Variants in ST6GALNAC3 observed in about 807,000 individuals in gnomAD.
ST6GALNAC3 encodes the protein ST6 N-acetylgalactosaminide alpha-2,6-sialyltransferase 3, also known as alpha-N-acetylgalactosaminide alpha-2,6-sialyltransferase 3.
Under a neutral mutation model 32.7 loss-of-function variants are expected in ST6GALNAC3, and 25 were observed. That is an observed-to-expected ratio of 0.76 (90% CI 0.56 to 1.07). ST6GALNAC3 has a LOEUF of 1.07. Among genes scored for constraint, ST6GALNAC3 ranks in the 50% least tolerant of loss-of-function variants. ST6GALNAC3 has a pLI of 0.00. For synonymous variants in ST6GALNAC3, 129 were observed against 133.1 expected (o/e 0.97, Z 0.21); for missense variants, 355 against 382.4 (o/e 0.93, Z 0.60).
At chr1:76,351,167 C>A (rs116890070) in intron 2 of ST6GALNAC3, among the ~76,000 whole-genome samples, 1 of 152,186 alleles carries the variant, frequency 6.6e-6, no homozygotes, top group East Asian at 1.9e-4. Flanking sequence ...TTAGCTTTGT[C>A]AAGTTTGGCA....
intron 3 of ST6GALNAC3, among the ~76,000 whole-genome samples, chr1:76,487,688 G>C (rs1167221958): frequency 6.6e-6 from 1 of 152,056 alleles, no homozygotes; most frequent in Non-Finnish European, 1.5e-5. Flanking sequence ...CCTTTAGCTT[G>C]GAGAAGTTTG....
chr1:76,623,980 G>T (rs2100712325), intron 3 of ST6GALNAC3, among the ~76,000 whole-genome samples: 1 of 151,980 alleles, frequency 6.6e-6, no homozygotes, highest in Admixed American at 6.6e-5. Flanking sequence ...ATGGACATTA[G>T]CTCCAAATAG....
intron 1 of ST6GALNAC3, among the ~76,000 whole-genome samples, chr1:76,130,295 G>A (rs572033736): frequency 6.6e-6 from 1 of 152,332 alleles, no homozygotes; most frequent in Non-Finnish European, 1.5e-5. Flanking sequence ...AGCAAGGTGT[G>A]TGGGGTAGGG....
In ST6GALNAC3 at chr1:76,550,503, T is replaced by C. The variant is rs180743215; in HGVS notation, c.624-76949T>C. Among the ~76,000 whole-genome samples, 578 of 152,264 alleles carry C rather than the reference T, an allele frequency of 3.8e-3. 3 individuals are homozygous for C. Among genetic ancestry groups the C allele is most frequent in the African/African-American group, 0.013 (560 of 41,550 alleles). On this transcript the variant is annotated intron_variant, in intron 3 of 4. Coordinates refer to ENST00000328299, the MANE Select transcript of ST6GALNAC3 (RefSeq NM_152996.4). ...TCTGTATTATGCTTCAGTGTTCTAT[T>C]TTTTTCCCCATGACAGTACTACTCC...
chr1:76,214,501 A>G (rs1473472), intron 1 of ST6GALNAC3, among the ~76,000 whole-genome samples: 107,820 of 152,062 alleles, frequency 0.71, 40,434 homozygotes, highest in East Asian at 0.93. Flanking sequence ...ATTACAAAAG[A>G]TTGATTTCTG....
chr1:76,163,819 A>T (rs1651955272), intron 1 of ST6GALNAC3, among the ~76,000 whole-genome samples: 1 of 152,222 alleles, frequency 6.6e-6, no homozygotes, highest in Non-Finnish European at 1.5e-5. Flanking sequence ...GACAGTGAAG[A>T]GGTAGCTGCA....
intron 3 of ST6GALNAC3, among the ~76,000 whole-genome samples, chr1:76,602,209 C>T (rs1161131449): frequency 6.6e-6 from 1 of 152,102 alleles, no homozygotes; most frequent in Non-Finnish European, 1.5e-5. Flanking sequence ...GTGTGCAAGT[C>T]TGACAGGGTA....
At chr1:76,346,708 C>T (rs1252408983) in intron 2 of ST6GALNAC3, among the ~76,000 whole-genome samples, 2 of 152,022 alleles carry the variant, frequency 1.3e-5, no homozygotes, top group African/African-American at 2.4e-5. Flanking sequence ...GTTTTGAGAC[C>T]TTGGCCAAGT....
intron 2 of ST6GALNAC3, among the ~76,000 whole-genome samples, chr1:76,411,071 G>A (rs1351887629): frequency 2.0e-5 from 3 of 152,110 alleles, no homozygotes; most frequent in Admixed American, 6.6e-5. Flanking sequence ...TATCAAAAAA[G>A]CACATTGCTT....
At chr1:76,505,128 C>CT (rs764191036) in intron 3 of ST6GALNAC3, among the ~76,000 whole-genome samples, 10,282 of 143,380 alleles carry the variant, frequency 0.072, 1,177 homozygotes, top group African/African-American at 0.24. Flanking sequence ...GAAGCCAAAG[C>CT]TTTTTTTTTT....
chr1:76,086,772 C>T (rs941889428), intron 1 of ST6GALNAC3, among the ~76,000 whole-genome samples: 2 of 152,142 alleles, frequency 1.3e-5, no homozygotes, highest in African/African-American at 4.8e-5. Flanking sequence ...CATTGCTATG[C>T]CTGATATAAA....
chr1:76,555,011 T>C (rs315059), intron 3 of ST6GALNAC3, among the ~76,000 whole-genome samples: 9,263 of 152,188 alleles, frequency 0.061, 966 homozygotes, highest in African/African-American at 0.21. Flanking sequence ...CTTTGATAGG[T>C]TAAATCATTT....
At chr1:76,084,761 C>T (rs780730995) in intron 1 of ST6GALNAC3, among the ~76,000 whole-genome samples, 1 of 143,398 alleles carries the variant, frequency 7.0e-6, no homozygotes, top group African/African-American at 2.6e-5. Context: ...TATTCCTGCC[C>T]TGCTCCAACT....
chr1:76,539,142 C>T (rs1234036066), intron 3 of ST6GALNAC3, among the ~76,000 whole-genome samples: 1 of 152,174 alleles, frequency 6.6e-6, no homozygotes, highest in Admixed American at 6.5e-5. Context: ...ATAACCAAAA[C>T]AGCATGGTAC....
At chr1:76,329,430 G>A (rs1003049681) in intron 2 of ST6GALNAC3, among the ~76,000 whole-genome samples, 3 of 152,096 alleles carry the variant, frequency 2.0e-5, no homozygotes, top group Admixed American at 6.6e-5. Context: ...AGCTTATGTG[G>A]TATAACTGCT....
At chr1:76,469,965 GT>G (rs1487339782) in intron 3 of ST6GALNAC3, among the ~76,000 whole-genome samples, 5 of 151,934 alleles carry the variant, frequency 3.3e-5, no homozygotes, top group Non-Finnish European at 5.9e-5. Context: ...AACTATATTT[GT>G]TTTTTGGTAA....
intron 1 of ST6GALNAC3, among the ~76,000 whole-genome samples, chr1:76,259,055 C>T (rs1471629380): frequency 6.6e-6 from 1 of 152,046 alleles, no homozygotes; most frequent in Non-Finnish European, 1.5e-5. Flanking sequence ...ATCTTATATG[C>T]TATAAACAAA....
intron 3 of ST6GALNAC3, among the ~76,000 whole-genome samples, chr1:76,439,386 CA>C (rs1422748524): frequency 6.6e-6 from 1 of 152,072 alleles, no homozygotes; most frequent in African/African-American, 2.4e-5. Flanking sequence ...GTGGTGTATA[CA>C]AATGAAAAAA....
chr1:76,255,712 C>T (rs566009359), intron 1 of ST6GALNAC3, among the ~76,000 whole-genome samples: 6 of 152,164 alleles, frequency 3.9e-5, no homozygotes, highest in East Asian at 3.9e-4. Flanking sequence ...TGCAACCCCT[C>T]GTTTAAAAAC....
Sources: allele counts gnomAD v4.1 joint callset (sites outside exome capture counted in the v4.1 genomes callset), GRCh38; gene constraint gnomAD v4.1.1; transcripts MANE v1.5; gene names NCBI Gene and HGNC (gene_info 2026-07-23, HGNC 2026-07-21).